RNF19A: variants seen among roughly 807,000 people sequenced by gnomAD.
RNF19A encodes E3 ubiquitin-protein ligase RNF19A.
A neutral mutation model predicts 75.7 loss-of-function variants in RNF19A; 32 were observed. The observed-to-expected ratio is 0.42, with a 90% CI of 0.32 to 0.57. The LOEUF is 0.57. Ranked by LOEUF, RNF19A falls within the 20% of genes least tolerant of loss-of-function variation. The pLI is 0.10. For missense variants in RNF19A, 782 were observed against 1,036.3 expected (o/e 0.75, Z 3.37); for synonymous variants, 335 against 345.2 (o/e 0.97, Z 0.33).
chr8:100,295,320 A>C (rs1216472914), intron 1 of RNF19A, among the ~76,000 whole-genome samples: 2 of 152,134 alleles, frequency 1.3e-5, no homozygotes, highest in Non-Finnish European at 1.5e-5. Context: ...TTTTGACAGC[A>C]CTCTATTTTT....
Position 100,260,106 on chromosome 8 carries a change from G to A in RNF19A, c.1683-109C>T. ...ACCCTAGTAACCAGAAGCTATTTTA[G>A]GAACCATTATTTTTTATTTCCTTTT... On this transcript the variant is annotated intron_variant, in intron 8 of 9. Transcript: ENST00000341084. This position sits in a 1 kb window ranked among gnomAD's most constrained non-coding sequence, Gnocchi z 4.1. 1.1e-6 allele frequency: 1 copy of A among 945,146 alleles called. No individual in the cohort carries two copies. The highest frequency in any genetic ancestry group is 1.6e-6 in the Non-Finnish European group (1 of 617,242). 58.5% of individuals were successfully genotyped at this position (945,146 alleles called of 1,614,324 possible).
At chr8:100,298,386 T>C (rs1821671868) in intron 1 of RNF19A, among the ~76,000 whole-genome samples, 1 of 152,186 alleles carries the variant, frequency 6.6e-6, no homozygotes, top group Non-Finnish European at 1.5e-5. Flanking sequence ...TGGTCTAATA[T>C]TAAAAATGGA....
At chr8:100,303,708 G>C (rs1407045199) in intron 1 of RNF19A, among the ~76,000 whole-genome samples, 2 of 148,734 alleles carry the variant, frequency 1.3e-5, no homozygotes, top group African/African-American at 5.0e-5. Flanking sequence ...CGGATCACTT[G>C]AGTCCAGGAG....
chr8:100,335,327 T>C (rs1251393054), intron 1 of RNF19A, among the ~76,000 whole-genome samples: 3 of 152,230 alleles, frequency 2.0e-5, no homozygotes, highest in Non-Finnish European at 4.4e-5. Flanking sequence ...AGATGTACTA[T>C]TATTATCCTC....
Position 100,284,990 on chromosome 8 carries a change from C to T in RNF19A, c.674+2511G>A, listed in dbSNP as rs1370827672. On this transcript the variant is annotated intron_variant, in intron 2 of 9. Coordinates refer to ENST00000341084, the MANE Select transcript of RNF19A (RefSeq NM_183419.4). This position sits in a 1 kb window ranked among gnomAD's most constrained non-coding sequence, Gnocchi z 4.3. ...GGCTTTACAAGTAACTTGGTTACCC[C>T]CTGAAGTTCACATCCCCTCTTCCTA... Among the ~76,000 whole-genome samples the T allele has an allele frequency of 6.6e-6, 1 of 152,006 alleles. No individual in the cohort carries two copies. The highest frequency in any genetic ancestry group is 2.4e-5 in the African/African-American group (1 of 41,408).
At position 100,269,863 on chromosome 8, in the gene RNF19A, G is replaced by A. The variant is rs1385758629; in HGVS notation, c.1028+6C>T. The A allele has an allele frequency of 1.3e-6, 2 of 1,585,524 alleles. No homozygotes were observed. The highest frequency in any genetic ancestry group is 1.2e-5 in the South Asian group (1 of 85,828). ...TACATATAAATAGCTCCTTCTATAA[G>A]CTTACCTTAGATAATGCAAATCTGA... is the stretch of plus-strand genomic sequence containing the variant. On this transcript the variant is annotated splice_donor_region_variant and intron_variant, in intron 4 of 9. Coordinates refer to ENST00000341084, the MANE Select transcript of RNF19A (RefSeq NM_183419.4). This position sits in a 1 kb window ranked among gnomAD's most constrained non-coding sequence, Gnocchi z 5.7.
chr8:100,292,914 G>A (rs886213151), intron 1 of RNF19A, among the ~76,000 whole-genome samples: 1 of 151,990 alleles, frequency 6.6e-6, no homozygotes, highest in Non-Finnish European at 1.5e-5. Context: ...TCTTTCTTGT[G>A]CAGCGGTGCC....
chr8:100,281,096 T>C (rs1377291703), intron 2 of RNF19A, among the ~76,000 whole-genome samples: 1 of 152,204 alleles, frequency 6.6e-6, no homozygotes, highest in African/African-American at 2.4e-5. Flanking sequence ...CCATGGTCCA[T>C]TATTTAATTC....
At position 100,317,172 on chromosome 8, in the gene RNF19A, G is replaced by A. The variant is rs999343693; in HGVS notation, c.-242-3800C>T. Among the ~76,000 whole-genome samples the A allele has an allele frequency of 6.6e-5, 10 of 152,332 alleles. No individual in the cohort carries two copies. Among genetic ancestry groups the A allele is most frequent in the East Asian group, 5.8e-4 (3 of 5,184 alleles). On this transcript the variant is annotated intron_variant, in intron 1 of 3. Coordinates refer to the RNF19A transcript ENST00000519527. The surrounding 1 kb of genome is among the most constrained non-coding windows in gnomAD (Gnocchi z 4.3). ...GGTTCCCGCTCGCGCCTCTCCCTCC[G>A]CACCTCCCTGCAAGCTGAGGGAGTG...
intron 2 of RNF19A, among the ~76,000 whole-genome samples, chr8:100,277,533 T>C (rs1820585408): frequency 6.6e-6 from 1 of 152,116 alleles, no homozygotes; most frequent in African/African-American, 2.4e-5. Flanking sequence ...AGGATGGTCT[T>C]GATTTCCTGA....
chr8:100,297,853 G>A (rs1468447127), intron 1 of RNF19A, among the ~76,000 whole-genome samples: 1 of 152,114 alleles, frequency 6.6e-6, no homozygotes, highest in Non-Finnish European at 1.5e-5. Context: ...GCTTAGCTTG[G>A]GGGGAAAGGT....
chr8:100,280,163 C>T (rs1001646373), intron 2 of RNF19A, among the ~76,000 whole-genome samples: 31 of 152,052 alleles, frequency 2.0e-4, no homozygotes, highest in African/African-American at 3.6e-4. Flanking sequence ...ATTCAGTGCC[C>T]GGCCCTTGAT....
At chr8:100,290,126 T>C (rs1821219575) in intron 1 of RNF19A, among the ~76,000 whole-genome samples, 1 of 152,104 alleles carries the variant, frequency 6.6e-6, no homozygotes, top group South Asian at 2.1e-4. Flanking sequence ...ACTTTTTTTG[T>C]TTTTTTGAGA....
At position 100,269,843 on chromosome 8, in the gene RNF19A, A is replaced by G. The variant is rs763604442; in HGVS notation, c.1028+26T>C. The G allele has an allele frequency of 1.3e-6, 2 of 1,534,800 alleles. No individual in the cohort carries two copies. The highest frequency in any genetic ancestry group is 2.1e-5 in the Admixed American group (1 of 47,614). ...TTACAATATAAAATTACATTTACAT[A>G]TAAATAGCTCCTTCTATAAGCTTAC... On this transcript the variant is annotated intron_variant, in intron 4 of 9. Coordinates refer to ENST00000341084, the MANE Select transcript of RNF19A (RefSeq NM_183419.4). This position sits in a 1 kb window ranked among gnomAD's most constrained non-coding sequence, Gnocchi z 5.7.
chr8:100,315,493 G>A (rs1822359583), intron 1 of RNF19A, among the ~76,000 whole-genome samples: 1 of 152,150 alleles, frequency 6.6e-6, no homozygotes, highest in Non-Finnish European at 1.5e-5. Context: ...GCCTTGTCCA[G>A]GGAGAAAGAG....
chr8:100,313,206 A>G (rs1300908472), upstream of RNF19A: 16 of 405,592 alleles, frequency 3.9e-5, no homozygotes, highest in South Asian at 5.1e-4. Context: ...TAGCAATGAA[A>G]AAGCCTACAT....
intron 1 of RNF19A, among the ~76,000 whole-genome samples, chr8:100,307,853 T>C (rs186667482): frequency 2.6e-5 from 4 of 152,264 alleles, no homozygotes; most frequent in African/African-American, 7.2e-5. Context: ...GAAGTATCTT[T>C]AAAAATAGGA....
upstream of RNF19A, chr8:100,313,378 A>G: frequency 1.0e-6 from 1 of 952,408 alleles, no homozygotes; most frequent in Non-Finnish European, 1.3e-6. Context: ...GGATTCTATA[A>G]GACAAGAAGA....
At position 100,257,092 on chromosome 8, in the gene RNF19A, C is replaced by G. The variant is rs193064701; in HGVS notation, c.*1464G>C. 1 of 152,374 alleles carries G rather than the reference C, an allele frequency of 6.6e-6. No homozygotes were observed. The highest frequency in any genetic ancestry group is 2.4e-5 in the African/African-American group (1 of 41,364). The allele number at this position is 152,374 out of a possible 1,614,324, so 9.4% of individuals were successfully genotyped here. A position where few individuals can be genotyped will look rare whatever the true frequency, so the allele number is the denominator to read the frequency against. On this transcript the variant is annotated 3_prime_UTR_variant, in exon 10 of 10. Coordinates refer to ENST00000341084, the MANE Select transcript of RNF19A (RefSeq NM_183419.4). ...TACATTAGTATTTACATTTATTTAACGTATGCAGTTTACACACTCATTATT... is the reference window on the plus strand; with the variant it reads ...TACATTAGTATTTACATTTATTTAAGGTATGCAGTTTACACACTCATTATT...
Sources: allele counts gnomAD v4.1 joint callset (sites outside exome capture counted in the v4.1 genomes callset), GRCh38; gene constraint gnomAD v4.1.1; non-coding constraint Gnocchi (gnomAD v3.1); transcripts MANE v1.5; gene names NCBI Gene and HGNC (gene_info 2026-07-23, HGNC 2026-07-21).